Variants in ILRUN observed in about 807,000 individuals in gnomAD.
The protein encoded by ILRUN is protein ILRUN.
In ILRUN, 3 loss-of-function variants were observed where a neutral mutation model predicts 33.8. The observed-to-expected ratio is 0.09, with a 90% CI of 0.04 to 0.23. ILRUN has a LOEUF of 0.23. Ranked by LOEUF, ILRUN falls within the 10% of genes least tolerant of loss-of-function variation. The probability of loss-of-function intolerance (pLI) is 1.00; values close to 1 mark genes in which losing one functional copy is unlikely to be tolerated. For missense variants in ILRUN, 210 were observed against 375.1 expected (o/e 0.56, Z 3.64); for synonymous variants, 124 against 138.9 (o/e 0.89, Z 0.75).
intron 3 of ILRUN, among the ~76,000 whole-genome samples, chr6:34,631,507 T>C (rs894438253): frequency 6.6e-6 from 1 of 152,146 alleles, no homozygotes; most frequent in African/African-American, 2.4e-5. Context: ...TTTGTATTTT[T>C]TGATATACAC....
intron 1 of ILRUN, among the ~76,000 whole-genome samples, chr6:34,680,641 C>G (rs778574682): frequency 2.6e-5 from 4 of 152,036 alleles, no homozygotes; most frequent in Non-Finnish European, 5.9e-5. Flanking sequence ...TTAGTAGAAA[C>G]AAGGTTTCAC....
chr6:34,613,736 T>A (rs1258628099), intron 3 of ILRUN, among the ~76,000 whole-genome samples: 1 of 152,230 alleles, frequency 6.6e-6, no homozygotes, highest in African/African-American at 2.4e-5. Context: ...AAATACGGAA[T>A]CAGTTGTAGA....
intron 3 of ILRUN, among the ~76,000 whole-genome samples, chr6:34,619,078 C>T (rs887834973): frequency 5.9e-5 from 9 of 152,056 alleles, no homozygotes; most frequent in African/African-American, 1.9e-4. Context: ...TCAGTTTCAG[C>T]GGAGTAATGG....
At chr6:34,659,016 T>C (rs1410182664) in intron 1 of ILRUN, among the ~76,000 whole-genome samples, 1 of 152,246 alleles carries the variant, frequency 6.6e-6, no homozygotes. Context: ...AAATATTTAA[T>C]GAACGAGCAT....
Position 34,616,828 on chromosome 6 carries a change from C to T in ILRUN, c.512-9924G>A. ...GTATCAATGGTGTGAACCCAAAGGTCTGAAAGGTGTTGCAGCTTCTTTGCC... is the reference window on the plus strand; with the variant it reads ...GTATCAATGGTGTGAACCCAAAGGTTTGAAAGGTGTTGCAGCTTCTTTGCC... On this transcript the variant is annotated intron_variant, in intron 3 of 4. Transcript: ENST00000374023. 7 of 704,744 alleles carry T rather than the reference C, an allele frequency of 9.9e-6. No individual in the cohort carries two copies. The South Asian group carries it at 1.0e-4, about 10-fold the overall frequency. The allele number at this position is 704,744 out of a possible 1,614,324, so 43.7% of individuals were successfully genotyped here.
At chr6:34,641,558 A>G (rs1014412851) in intron 3 of ILRUN, among the ~76,000 whole-genome samples, 11 of 152,214 alleles carry the variant, frequency 7.2e-5, no homozygotes, top group African/African-American at 2.7e-4. Context: ...GAATTCAACG[A>G]AACATTTCAT....
At chr6:34,684,171 C>G (rs1418303624) in intron 1 of ILRUN, among the ~76,000 whole-genome samples, 1 of 152,084 alleles carries the variant, frequency 6.6e-6, no homozygotes, top group Non-Finnish European at 1.5e-5. Context: ...ACTGGACCCC[C>G]ATTCTAGCAG....
At chr6:34,664,778 T>C (rs1762960332) in intron 1 of ILRUN, among the ~76,000 whole-genome samples, 1 of 152,250 alleles carries the variant, frequency 6.6e-6, no homozygotes, top group South Asian at 2.1e-4. Flanking sequence ...GTCTATGGTT[T>C]ATCGTTGCTC....
intron 2 of ILRUN, among the ~76,000 whole-genome samples, chr6:34,649,347 G>A (rs536822735): frequency 2.6e-5 from 4 of 152,282 alleles, no homozygotes; most frequent in South Asian, 2.1e-4. Flanking sequence ...ATCTGAGTTC[G>A]AGAAGTATAA....
intron 1 of ILRUN, among the ~76,000 whole-genome samples, chr6:34,692,801 G>A (rs138757833): frequency 3.3e-5 from 5 of 152,244 alleles, no homozygotes; most frequent in East Asian, 3.9e-4. Flanking sequence ...ATTCAGATGC[G>A]TGATGATTGG....
At chr6:34,608,231 T>G (rs576098647) in intron 3 of ILRUN, among the ~76,000 whole-genome samples, 1 of 151,864 alleles carries the variant, frequency 6.6e-6, no homozygotes, top group Non-Finnish European at 1.5e-5. Flanking sequence ...CCATCTCTAC[T>G]GAAAATTAAA....
At chr6:34,633,250 T>G (rs895791541) in intron 3 of ILRUN, among the ~76,000 whole-genome samples, 1 of 141,520 alleles carries the variant, frequency 7.1e-6, no homozygotes, top group African/African-American at 2.7e-5. Context: ...GTTATGTACC[T>G]AACAACAGAG....
chr6:34,652,385 A>G (rs1242466235), intron 2 of ILRUN, among the ~76,000 whole-genome samples: 2 of 152,232 alleles, frequency 1.3e-5, no homozygotes, highest in Non-Finnish European at 2.9e-5. Context: ...ATGAAATTTT[A>G]CAAAGTCACA....
chr6:34,682,038 TTAC>T (rs1763371195), intron 1 of ILRUN, among the ~76,000 whole-genome samples: 4 of 144,486 alleles, frequency 2.8e-5, no homozygotes, highest in African/African-American at 1.1e-4. Flanking sequence ...TTTTATTTTT[TTAC>T]TTTTTTTTTT....
At chr6:34,678,345 T>C (rs1335708430) in intron 1 of ILRUN, among the ~76,000 whole-genome samples, 2 of 152,028 alleles carry the variant, frequency 1.3e-5, no homozygotes, top group East Asian at 3.9e-4. Flanking sequence ...CCGGCTCTAA[T>C]TTATTTTTAT....
chr6:34,603,598 C>G (rs1455826202), intron 4 of ILRUN, among the ~76,000 whole-genome samples: 1 of 152,112 alleles, frequency 6.6e-6, no homozygotes, highest in Non-Finnish European at 1.5e-5. Context: ...TGTGCCACTG[C>G]ACTCCAGTCT....
At chr6:34,620,825 T>A (rs997645301) in intron 3 of ILRUN, among the ~76,000 whole-genome samples, 2 of 152,190 alleles carry the variant, frequency 1.3e-5, no homozygotes, top group African/African-American at 4.8e-5. Context: ...TGAGACCCTG[T>A]CTCAAAAATA....
chr6:34,658,119 C>G (rs1161590025), intron 1 of ILRUN, among the ~76,000 whole-genome samples: 1 of 152,106 alleles, frequency 6.6e-6, no homozygotes, highest in Non-Finnish European at 1.5e-5. Flanking sequence ...GAGGCAGAGG[C>G]AGGCAGATCA....
chr6:34,610,623 C>T (rs1444717101), intron 3 of ILRUN, among the ~76,000 whole-genome samples: 1 of 152,104 alleles, frequency 6.6e-6, no homozygotes, highest in Non-Finnish European at 1.5e-5. Context: ...TGATATAATG[C>T]AAATATTCAA....
Sources: allele counts gnomAD v4.1 joint callset (sites outside exome capture counted in the v4.1 genomes callset), GRCh38; gene constraint gnomAD v4.1.1; transcripts MANE v1.5; gene names NCBI Gene and HGNC (gene_info 2026-07-23, HGNC 2026-07-21).